The following EPHA3 variants were observed in gnomAD, a reference collection of about 807,000 sequenced individuals.
EPHA3 encodes the protein EPH receptor A3.
In EPHA3, 42 loss-of-function variants were observed where a neutral mutation model predicts 107.1. That is an observed-to-expected ratio of 0.39 (90% CI 0.31 to 0.51). EPHA3 has a LOEUF of 0.51. EPHA3 is among the 20% of genes least tolerant of loss of function. The probability of loss-of-function intolerance (pLI) is 0.78; values close to 1 mark genes in which losing one functional copy is unlikely to be tolerated. For missense variants in EPHA3, 1,183 were observed against 1,211.2 expected (o/e 0.98, Z 0.35); for synonymous variants, 461 against 424.8 (o/e 1.09, Z -1.05).
At chr3:89,216,455 T>C (rs952879697) in intron 3 of EPHA3, among the ~76,000 whole-genome samples, 3 of 152,038 alleles carry the variant, frequency 2.0e-5, no homozygotes, top group Non-Finnish European at 4.4e-5. Flanking sequence ...TTATTGTGAA[T>C]ATGTAAAAAT....
intron 2 of EPHA3, among the ~76,000 whole-genome samples, chr3:89,188,368 T>G (rs1457061879): frequency 6.6e-6 from 1 of 152,220 alleles, no homozygotes; most frequent in Non-Finnish European, 1.5e-5. Flanking sequence ...CTGACTTTTC[T>G]TCTTTTCATC....
In EPHA3 at chr3:89,160,548, T is replaced by TGTGTGTGTG. The variant is rs1553707124; in HGVS notation, c.153+33275_153+33276insGTGTGTGTG. ...AGTCAGAGAAAAGTAATATTAGATT[T>TGTGTGTGTG]TGTGTGTGTGTGTGTGTGTGTGTGT... On this transcript the variant is annotated intron_variant, in intron 2 of 16. Transcript: ENST00000336596. Among the ~76,000 whole-genome samples, 137 of 120,534 alleles carry TGTGTGTGTG rather than the reference T, an allele frequency of 1.1e-3. 2 individuals are homozygous for TGTGTGTGTG. Among genetic ancestry groups the TGTGTGTGTG allele is most frequent in the African/African-American group, 3.8e-3 (106 of 28,210 alleles). The allele number at this position is 120,534 out of a possible 152,430, so 79.1% of individuals were successfully genotyped here.
chr3:89,177,156 A>G (rs1240961515), intron 2 of EPHA3, among the ~76,000 whole-genome samples: 2 of 152,174 alleles, frequency 1.3e-5, no homozygotes, highest in Non-Finnish European at 2.9e-5. Context: ...CCTAAATATT[A>G]TAAGAGTAGT....
intron 10 of EPHA3, among the ~76,000 whole-genome samples, chr3:89,417,755 C>T (rs1415408039): frequency 1.3e-5 from 2 of 151,372 alleles, no homozygotes; most frequent in African/African-American, 4.8e-5. Flanking sequence ...ATAAACTAGT[C>T]CTGTCTTGTT....
At chr3:89,275,889 T>TA (rs1222476521) in intron 3 of EPHA3, among the ~76,000 whole-genome samples, 1 of 152,062 alleles carries the variant, frequency 6.6e-6, no homozygotes, top group Admixed American at 6.6e-5. Flanking sequence ...TTCCCTCAGT[T>TA]AAAGGGAATG....
intron 3 of EPHA3, among the ~76,000 whole-genome samples, chr3:89,305,257 CATG>C (rs1268871479): frequency 2.6e-5 from 4 of 152,002 alleles, no homozygotes; most frequent in Non-Finnish European, 5.9e-5. Flanking sequence ...TACTTTTCAA[CATG>C]ATGAGTTATT....
intron 2 of EPHA3, among the ~76,000 whole-genome samples, chr3:89,130,645 C>CT (rs1342682869): frequency 4.0e-5 from 3 of 75,850 alleles, no homozygotes; most frequent in African/African-American, 4.9e-5. Context: ...TTTTTTTTTT[C>CT]TTTTTTTGAA....
At chr3:89,468,730 G>A (rs1710340022) in intron 15 of EPHA3, among the ~76,000 whole-genome samples, 1 of 151,984 alleles carries the variant, frequency 6.6e-6, no homozygotes, top group Admixed American at 6.6e-5. Context: ...ATTTTTTAGT[G>A]GTTCAATGAC....
At chr3:89,150,631 C>G (rs970162423) in intron 2 of EPHA3, among the ~76,000 whole-genome samples, 3 of 151,938 alleles carry the variant, frequency 2.0e-5, no homozygotes, top group African/African-American at 7.2e-5. Context: ...GAAAATGGAT[C>G]CATATTCTAT....
intron 7 of EPHA3, among the ~76,000 whole-genome samples, chr3:89,404,117 G>A (rs781144785): frequency 2.6e-4 from 40 of 152,056 alleles, no homozygotes; most frequent in Admixed American, 5.2e-4. Flanking sequence ...GTTTTGAAGA[G>A]TAAAAATGGT....
intron 1 of EPHA3, among the ~76,000 whole-genome samples, chr3:89,117,819 A>G (rs1422895930): frequency 3.3e-5 from 5 of 152,120 alleles, no homozygotes; most frequent in Non-Finnish European, 7.4e-5. Context: ...CTAATCATCT[A>G]TAATATTCAA....
At chr3:89,107,976 CTT>C in intron 1 of EPHA3, 140 bp downstream of exon 1, 3 of 607,112 alleles carry the variant, frequency 4.9e-6, no homozygotes, top group Non-Finnish European at 5.5e-6. Flanking sequence ...AAAGATGTGC[CTT>C]TTTTTTTTCC....
At chr3:89,156,324 C>T (rs1704805936) in intron 2 of EPHA3, among the ~76,000 whole-genome samples, 1 of 151,988 alleles carries the variant, frequency 6.6e-6, no homozygotes, top group African/African-American at 2.4e-5. Flanking sequence ...TCCAGGACTT[C>T]CTTATACTAA....
intron 5 of EPHA3, among the ~76,000 whole-genome samples, chr3:89,383,032 T>C (rs1708542846): frequency 6.6e-6 from 1 of 152,256 alleles, no homozygotes; most frequent in Non-Finnish European, 1.5e-5. Context: ...GTTTTACTTC[T>C]TTTAATATTG....
intron 2 of EPHA3, among the ~76,000 whole-genome samples, chr3:89,202,528 A>ATAT (rs1240501599): frequency 5.8e-5 from 2 of 34,208 alleles, no homozygotes; most frequent in Non-Finnish European, 1.2e-4. Flanking sequence ...AAAAAAAAAA[A>ATAT]AAAAAAATAT....
intron 3 of EPHA3, among the ~76,000 whole-genome samples, chr3:89,305,166 G>A (rs1399559102): frequency 6.6e-6 from 1 of 151,984 alleles, no homozygotes; most frequent in Non-Finnish European, 1.5e-5. Context: ...ATTCTCACAA[G>A]TTTTTTCTTT....
chr3:89,437,811 A>G (rs558356700), intron 13 of EPHA3, among the ~76,000 whole-genome samples: 3 of 152,160 alleles, frequency 2.0e-5, no homozygotes, highest in Non-Finnish European at 4.4e-5. Context: ...CCATCACTTC[A>G]ATTCTTCCTA....
intron 2 of EPHA3, among the ~76,000 whole-genome samples, chr3:89,189,045 G>T (rs1369365858): frequency 6.6e-6 from 1 of 152,188 alleles, no homozygotes; most frequent in Non-Finnish European, 1.5e-5. Context: ...AGATGCCTGT[G>T]CCTGGAGTGT....
chr3:89,208,036 A>T (rs1706148759), intron 2 of EPHA3, among the ~76,000 whole-genome samples: 1 of 152,144 alleles, frequency 6.6e-6, no homozygotes, highest in Admixed American at 6.5e-5. Context: ...TATGGAAGGC[A>T]TAAGGCAGAA....
Sources: allele counts gnomAD v4.1 joint callset (sites outside exome capture counted in the v4.1 genomes callset), GRCh38; gene constraint gnomAD v4.1.1; transcripts MANE v1.5; gene names NCBI Gene and HGNC (gene_info 2026-07-23, HGNC 2026-07-21).